The following TFEC variants were observed in gnomAD, a reference collection of about 807,000 sequenced individuals.
TFEC encodes the protein class E basic helix-loop-helix protein 34.
A neutral mutation model predicts 41.6 loss-of-function variants in TFEC; 31 were observed. That is an observed-to-expected ratio of 0.74 (90% CI 0.56 to 1.01). The LOEUF is 1.01. Ranked by LOEUF, TFEC falls within the 50% of genes least tolerant of loss-of-function variation. The pLI is 0.00. For synonymous variants in TFEC, 143 were observed against 140.6 expected, an observed-to-expected ratio of 1.02 and a Z score of -0.12; for missense variants, 402 against 404.1, an observed-to-expected ratio of 0.99 and a Z score of 0.04.
rs1171430441 is a variant in TFEC at position 116,016,833 on chromosome 7, CCTAT to C, written c.-73+13796_-73+13799del. 3.3e-5 allele frequency among the ~76,000 whole-genome samples: 5 copies of C among 151,906 alleles called. No individual in the cohort carries two copies. In the South Asian group the frequency reaches 6.2e-4, roughly 19 times the overall value. On this transcript the variant is annotated intron_variant, in intron 1 of 7. Coordinates refer to ENST00000265440, the MANE Select transcript of TFEC (RefSeq NM_012252.4). ...TATATACTACTATGTACTATATCTA[CCTAT>C]CTCTCTATATAATCACAAACATCTC...
chr7:115,995,140 T>G (rs1249161715), intron 1 of TFEC, among the ~76,000 whole-genome samples: 1 of 139,854 alleles, frequency 7.2e-6, no homozygotes, highest in African/African-American at 2.7e-5. Flanking sequence ...AAGTGGGAAT[T>G]GAACAATGAG....
At chr7:115,951,113 A>C (rs144570552) in intron 5 of TFEC, among the ~76,000 whole-genome samples, 164 bp from the exon 6 acceptor site, 21 of 152,238 alleles carry the variant, frequency 1.4e-4, no homozygotes, top group African/African-American at 4.3e-4. Context: ...TCATTCTAAA[A>C]GTAAAGGTTT....
chr7:116,027,352 G>A (rs1334239613), intron 1 of TFEC, among the ~76,000 whole-genome samples: 2 of 152,106 alleles, frequency 1.3e-5, no homozygotes, highest in African/African-American at 4.8e-5. Flanking sequence ...TTGAGAGGCT[G>A]AGGCAACCAC....
Position 116,062,225 on chromosome 7 carries a change from C to CTTTTTTTTTTTTTTTTTTTT in TFEC, c.198+48463_198+48482dup, listed in dbSNP as rs569480964. 1.5e-4 allele frequency among the ~76,000 whole-genome samples: 8 copies of CTTTTTTTTTTTTTTTTTTTT among 51,912 alleles called. 1 individual carries two copies. Among genetic ancestry groups the CTTTTTTTTTTTTTTTTTTTT allele is most frequent in the African/African-American group, 4.5e-4 (4 of 8,896 alleles). 34.1% of individuals were successfully genotyped at this position (51,912 alleles called of 152,430 possible). On this transcript the variant is annotated intron_variant, in intron 3 of 8. Coordinates refer to the TFEC transcript ENST00000484212. ...ACAGGCATGTGCCAACATGCCTGGC[C>CTTTTTTTTTTTTTTTTTTTT]TTTTTTTTTTTTTTTTTTTTTTTTT...
chr7:116,030,748 G>A lies in TFEC; in HGVS notation c.-188C>T, dbSNP rs765074506. ...AGGGACAACCAAAGTAAACGATCTA[G>A]CCGTGAGTAATGAATACTTTGGGCT... On this transcript the variant is annotated 5_prime_UTR_variant, in exon 1 of 8. Coordinates refer to ENST00000265440, the MANE Select transcript of TFEC (RefSeq NM_012252.4). 78 of 985,254 alleles carry A rather than the reference G, an allele frequency of 7.9e-5. No homozygotes were observed. Among genetic ancestry groups the A allele is most frequent in the Non-Finnish European group, 9.4e-5 (78 of 829,936 alleles). 61.0% of individuals were successfully genotyped at this position (985,254 alleles called of 1,614,324 possible). A position where few individuals can be genotyped will look rare whatever the true frequency, so the allele number is the denominator to read the frequency against.
chr7:116,044,234 C>T (rs1796107811), intron 3 of TFEC, among the ~76,000 whole-genome samples: 1 of 152,126 alleles, frequency 6.6e-6, no homozygotes, highest in Non-Finnish European at 1.5e-5. Flanking sequence ...TTCTCCTATG[C>T]ATATCCTTCG....
At chr7:116,018,380 G>A (rs1272255648) in intron 1 of TFEC, among the ~76,000 whole-genome samples, 1 of 152,116 alleles carries the variant, frequency 6.6e-6, no homozygotes, top group Non-Finnish European at 1.5e-5. Context: ...ATGGCTCCAG[G>A]GTTAATGGAT....
At chr7:116,011,786 ATGAG>A (rs1163675513) in intron 1 of TFEC, among the ~76,000 whole-genome samples, 1 of 152,034 alleles carries the variant, frequency 6.6e-6, no homozygotes, top group Admixed American at 6.6e-5. Flanking sequence ...TCTCACGATA[ATGAG>A]TGAGTTCTCA....
intron 3 of TFEC, among the ~76,000 whole-genome samples, chr7:116,094,988 A>G (rs1797418549): frequency 6.6e-6 from 1 of 152,350 alleles, no homozygotes; most frequent in Admixed American, 6.5e-5. Flanking sequence ...TGCCTGGGAT[A>G]TTCAGCAGAT....
intron 2 of TFEC, among the ~76,000 whole-genome samples, chr7:115,977,949 G>A (rs1372202619): frequency 2.0e-5 from 3 of 151,588 alleles, no homozygotes. Context: ...GTAACAAACA[G>A]AAAAGAAGAT....
intron 1 of TFEC, among the ~76,000 whole-genome samples, chr7:116,008,529 A>C (rs1263448650): frequency 2.0e-5 from 3 of 152,172 alleles, no homozygotes; most frequent in Non-Finnish European, 4.4e-5. Flanking sequence ...GGTAACTATT[A>C]ATTATGTTCT....
intron 3 of TFEC, among the ~76,000 whole-genome samples, chr7:116,106,416 G>T (rs1797718663): frequency 6.6e-6 from 1 of 151,856 alleles, no homozygotes. Context: ...ACAGAGTTTT[G>T]CTGTCACCCA....
intron 3 of TFEC, among the ~76,000 whole-genome samples, chr7:116,094,100 A>C (rs1339357097): frequency 6.6e-6 from 1 of 152,222 alleles, no homozygotes; most frequent in Non-Finnish European, 1.5e-5. Flanking sequence ...CACCAACAGA[A>C]TAACATATGA....
intron 3 of TFEC, among the ~76,000 whole-genome samples, chr7:116,103,036 C>T (rs1240466402): frequency 6.6e-6 from 1 of 152,094 alleles, no homozygotes; most frequent in African/African-American, 2.4e-5. Flanking sequence ...ATAAGATAGG[C>T]AGGGTGAGAT....
intron 3 of TFEC, among the ~76,000 whole-genome samples, chr7:116,036,302 T>C (rs1160198566): frequency 6.6e-6 from 1 of 152,106 alleles, no homozygotes; most frequent in Admixed American, 6.6e-5. Flanking sequence ...TCTCCAGTAC[T>C]TGTCAGTCAC....
intron 2 of TFEC, among the ~76,000 whole-genome samples, chr7:115,982,174 C>T (rs138776775): frequency 6.6e-6 from 1 of 151,660 alleles, no homozygotes; most frequent in African/African-American, 2.4e-5. Flanking sequence ...TGATGAAATG[C>T]TCCCTGATGT....
At chr7:116,134,535 T>A (rs1447046053) in intron 1 of TFEC, among the ~76,000 whole-genome samples, 1 of 152,164 alleles carries the variant, frequency 6.6e-6, no homozygotes, top group Non-Finnish European at 1.5e-5. Flanking sequence ...TTTTTTTTAT[T>A]CACTTCTTTT....
rs762565752 is a variant in TFEC at position 116,019,443 on chromosome 7, G to C, written c.-73+11190C>G. 4.3e-4 allele frequency among the ~76,000 whole-genome samples: 66 copies of C among 152,200 alleles called. 1 individual carries two copies. Among genetic ancestry groups the C allele is most frequent in the Non-Finnish European group, 8.1e-4 (55 of 68,012 alleles). ...ACATGGTTTTAGTCCTCTTTCTTAA[G>C]GCTTACACACTATCTTACAATGACA... On this transcript the variant is annotated intron_variant, in intron 1 of 7. Transcript: ENST00000265440.
rs1174448528 is a variant in TFEC at position 116,054,845 on chromosome 7, G to A, written c.198+55863C>T. Among the ~76,000 whole-genome samples the A allele has an allele frequency of 3.9e-5, 6 of 152,068 alleles. No individual in the cohort carries two copies. The South Asian group carries it at 1.0e-3, about 26-fold the overall frequency. On this transcript the variant is annotated intron_variant, in intron 3 of 8. Transcript: ENST00000484212. ...CAGGCTGAACTCCTAAACTGGATAA[G>A]ATAGATCTTTACCACTAGTATTAAT...
Sources: allele counts gnomAD v4.1 joint callset (sites outside exome capture counted in the v4.1 genomes callset), GRCh38; gene constraint gnomAD v4.1.1; transcripts MANE v1.5; gene names NCBI Gene and HGNC (gene_info 2026-07-23, HGNC 2026-07-21).